PPP2R2B: variants seen among roughly 807,000 people sequenced by gnomAD.
The protein encoded by PPP2R2B is serine/threonine-protein phosphatase 2A 55 kDa regulatory subunit B beta isoform.
PPP2R2B carries 5 observed loss-of-function variants against 46.0 expected under a neutral mutation model. The ratio of observed to expected loss-of-function variants is 0.11; its 90% CI spans 0.06 to 0.23. The LOEUF is 0.23. Ranked by LOEUF, PPP2R2B falls within the 10% of genes least tolerant of loss-of-function variation. PPP2R2B has a pLI of 1.00. For missense variants in PPP2R2B, 367 were observed against 575.0 expected, an observed-to-expected ratio of 0.64 and a Z score of 3.70; for synonymous variants, 215 against 206.7, an observed-to-expected ratio of 1.04 and a Z score of -0.34.
intron 2 of PPP2R2B, among the ~76,000 whole-genome samples, chr5:146,714,150 A>G (rs1780357446): frequency 6.6e-6 from 1 of 152,166 alleles, no homozygotes; most frequent in African/African-American, 2.4e-5. Flanking sequence ...AAAATCAAAG[A>G]AACGTAATGT....
At chr5:146,923,730 A>G (rs1763687568) in intron 1 of PPP2R2B, among the ~76,000 whole-genome samples, 2 of 152,224 alleles carry the variant, frequency 1.3e-5, no homozygotes, top group South Asian at 4.1e-4. Context: ...TATATACCCA[A>G]AAGAATATAC....
At chr5:146,900,774 GC>G (rs1223265530) in intron 1 of PPP2R2B, among the ~76,000 whole-genome samples, 1 of 151,640 alleles carries the variant, frequency 6.6e-6, no homozygotes, top group Non-Finnish European at 1.5e-5. Context: ...TTTTCCTAAT[GC>G]CCCCCTCTCC....
intron 1 of PPP2R2B, among the ~76,000 whole-genome samples, chr5:146,933,715 G>A (rs1160619061): frequency 2.7e-5 from 4 of 150,336 alleles, no homozygotes; most frequent in African/African-American, 9.8e-5. Context: ...AAGTTTTAGG[G>A]TACATGTGCA....
intron 7 of PPP2R2B, among the ~76,000 whole-genome samples, chr5:146,630,989 C>T (rs972401800): frequency 1.3e-5 from 2 of 152,198 alleles, no homozygotes; most frequent in South Asian, 2.1e-4. Flanking sequence ...AGTGGCTGCT[C>T]AACTATGTTG....
At chr5:146,853,839 T>C (rs1415138399) in intron 2 of PPP2R2B, among the ~76,000 whole-genome samples, 1 of 152,056 alleles carries the variant, frequency 6.6e-6, no homozygotes, top group Non-Finnish European at 1.5e-5. Flanking sequence ...CTTGGAATAC[T>C]TTTCATTCTT....
chr5:147,069,044 C>T (rs1182815613), intron 2 of PPP2R2B, among the ~76,000 whole-genome samples: 1 of 152,176 alleles, frequency 6.6e-6, no homozygotes, highest in African/African-American at 2.4e-5. Context: ...AACAACAGAT[C>T]TTATGTTCCT....
chr5:146,801,433 C>G (rs1267846652), intron 2 of PPP2R2B, among the ~76,000 whole-genome samples: 1 of 151,970 alleles, frequency 6.6e-6, no homozygotes, highest in Admixed American at 6.6e-5. Context: ...AGTTGTATAC[C>G]TTAAATATAC....
intron 2 of PPP2R2B, among the ~76,000 whole-genome samples, chr5:146,810,965 C>T (rs533056386): frequency 6.8e-6 from 1 of 147,934 alleles, no homozygotes; most frequent in African/African-American, 2.5e-5. Context: ...TGAGTGAGAA[C>T]ATGCGGTGTT....
chr5:146,868,271 C>T (rs1335109620), intron 2 of PPP2R2B, among the ~76,000 whole-genome samples: 1 of 152,242 alleles, frequency 6.6e-6, no homozygotes, highest in East Asian at 1.9e-4. Flanking sequence ...CAGCTTTTGG[C>T]AAAGAGAAGT....
chr5:146,964,856 A>G (rs1273748976), intron 1 of PPP2R2B, among the ~76,000 whole-genome samples: 1 of 152,082 alleles, frequency 6.6e-6, no homozygotes, highest in Non-Finnish European at 1.5e-5. Flanking sequence ...GGAGTTGACA[A>G]AGGGTCCTCT....
At chr5:146,782,129 G>A (rs1755568931) in intron 2 of PPP2R2B, among the ~76,000 whole-genome samples, 1 of 152,114 alleles carries the variant, frequency 6.6e-6, no homozygotes, top group Non-Finnish European at 1.5e-5. Flanking sequence ...GTTTCCTGAG[G>A]CCTCCCCAGG....
At chr5:146,835,720 G>A (rs1036690416) in intron 2 of PPP2R2B, among the ~76,000 whole-genome samples, 3 of 152,156 alleles carry the variant, frequency 2.0e-5, no homozygotes, top group Middle Eastern at 3.4e-3. Flanking sequence ...ACTATCCCAC[G>A]CTTCCTCTCC....
chr5:146,723,454 C>A (rs1278442632), intron 2 of PPP2R2B, among the ~76,000 whole-genome samples: 2 of 152,164 alleles, frequency 1.3e-5, no homozygotes, highest in African/African-American at 4.8e-5. Flanking sequence ...AAGAGAAAAT[C>A]TTACGGAGTC....
intron 2 of PPP2R2B, among the ~76,000 whole-genome samples, chr5:146,802,821 C>T (rs1756945820): frequency 6.6e-6 from 1 of 152,138 alleles, no homozygotes; most frequent in African/African-American, 2.4e-5. Flanking sequence ...TTAACTTGTG[C>T]CCCAAGGCTC....
rs183068116 is a variant in PPP2R2B, at chr5:146,608,172, C to T, written c.791-7712G>A. ...CATCCTATCTAGACAGGGGAATCAG[C>T]ATGAATAAATGCCTGGGGTGATCAA... On this transcript the variant is annotated intron_variant, in intron 7 of 9. Coordinates refer to ENST00000394411, the MANE Select transcript of PPP2R2B (RefSeq NM_181675.4). 3.3e-5 allele frequency among the ~76,000 whole-genome samples: 5 copies of T among 152,224 alleles called. No homozygotes were observed. In the East Asian group the frequency reaches 9.7e-4, roughly 29 times the overall value.
chr5:146,884,193 A>C (rs1190188721), intron 1 of PPP2R2B, among the ~76,000 whole-genome samples: 1 of 137,344 alleles, frequency 7.3e-6, no homozygotes, highest in Admixed American at 8.4e-5. Context: ...CATCTCTGTT[A>C]TCGGTGCAAA....
intron 6 of PPP2R2B, among the ~76,000 whole-genome samples, chr5:146,642,563 A>C (rs546218498): frequency 6.6e-6 from 1 of 152,320 alleles, no homozygotes; most frequent in East Asian, 1.9e-4. Context: ...AGTCTGTAAA[A>C]ACCATAGTGC....
intron 5 of PPP2R2B, among the ~76,000 whole-genome samples, chr5:146,683,119 TC>T (rs111727733): frequency 0.024 from 3,695 of 152,216 alleles, 119 homozygotes; most frequent in African/African-American, 0.084. Context: ...ACTTAGATGT[TC>T]CCAGAGTCTG....
chr5:146,943,527 T>G (rs1764388164), intron 1 of PPP2R2B, among the ~76,000 whole-genome samples: 1 of 152,222 alleles, frequency 6.6e-6, no homozygotes, highest in Non-Finnish European at 1.5e-5. Context: ...AGGGTTAATC[T>G]TGACTCCATT....
Sources: allele counts gnomAD v4.1 joint callset (sites outside exome capture counted in the v4.1 genomes callset), GRCh38; gene constraint gnomAD v4.1.1; transcripts MANE v1.5; gene names NCBI Gene and HGNC (gene_info 2026-07-23, HGNC 2026-07-21).